The following TTLL7 variants were observed in gnomAD, a reference collection of about 807,000 sequenced individuals.
TTLL7 encodes the protein tubulin tyrosine ligase like 7.
A neutral mutation model predicts 120.2 loss-of-function variants in TTLL7; 53 were observed. The ratio of observed to expected loss-of-function variants is 0.44; its 90% CI spans 0.35 to 0.55. The LOEUF (loss-of-function observed/expected upper bound fraction) is 0.55, where lower values mean the gene tolerates loss of function less well. Ranked by LOEUF, TTLL7 falls within the 20% of genes least tolerant of loss-of-function variation. The pLI is 0.00. For missense variants in TTLL7, 803 were observed against 1,054.7 expected (o/e 0.76, Z 3.31); for synonymous variants, 353 against 351.7 (o/e 1.00, Z -0.04).
intron 1 of TTLL7, among the ~76,000 whole-genome samples, chr1:83,978,517 A>G (rs1651692007): frequency 6.6e-6 from 1 of 152,234 alleles, no homozygotes; most frequent in South Asian, 2.1e-4. Context: ...ATCTTTGTCA[A>G]ACATCATAGT....
At chr1:83,945,934 T>C (rs1487652094) in intron 6 of TTLL7, 1 of 152,108 alleles carries the variant, frequency 6.6e-6, no homozygotes, top group Non-Finnish European at 1.5e-5. Context: ...CATTTGCAAA[T>C]AATGTATGAT....
In TTLL7 at chr1:83,869,393, C is replaced by G. The variant is rs964091441; in HGVS notation, c.*569G>C. On this transcript the variant is annotated 3_prime_UTR_variant, in exon 21 of 21. Transcript: ENST00000260505. Reference sequence around the variant, plus strand: ...AAAAGATTGGAGAATCAGGTTATGACTTTTCTAGCACTTTACAGTGTGCTA... The same window carrying G: ...AAAAGATTGGAGAATCAGGTTATGAGTTTTCTAGCACTTTACAGTGTGCTA... The G allele has an allele frequency of 2.0e-5, 3 of 152,184 alleles. No homozygotes were observed. The highest frequency in any genetic ancestry group is 7.2e-5 in the African/African-American group (3 of 41,432). 9.4% of individuals were successfully genotyped at this position (152,184 alleles called of 1,614,324 possible). A position where few individuals can be genotyped will look rare whatever the true frequency, so the allele number is the denominator to read the frequency against.
chr1:83,967,595 A>G (rs1165300285), intron 1 of TTLL7, among the ~76,000 whole-genome samples: 1 of 152,112 alleles, frequency 6.6e-6, no homozygotes, highest in Non-Finnish European at 1.5e-5. Context: ...AACAATCTGC[A>G]TGGTAACTGC....
intron 8 of TTLL7, among the ~76,000 whole-genome samples, chr1:83,936,266 T>C (rs755953633): frequency 3.9e-5 from 6 of 152,170 alleles, no homozygotes; most frequent in Non-Finnish European, 7.4e-5. Flanking sequence ...TGATTCTCTC[T>C]ATACATGCCT....
chr1:83,995,449 AC>A (rs762652922), intron 1 of TTLL7, among the ~76,000 whole-genome samples: 291 of 150,274 alleles, frequency 1.9e-3, no homozygotes, highest in Non-Finnish European at 3.3e-3. Context: ...GTGTGGCACC[AC>A]CCCCTCACTC....
chr1:83,907,277 C>T (rs915495518), intron 16 of TTLL7, among the ~76,000 whole-genome samples, 179 bp downstream of exon 16: 7 of 150,598 alleles, frequency 4.6e-5, no homozygotes, highest in African/African-American at 1.5e-4. Context: ...GTGAAGTCTG[C>T]ACTTTTTAAG....
chr1:83,980,428 G>A (rs1399805675), intron 1 of TTLL7: 1 of 151,456 alleles, frequency 6.6e-6, no homozygotes, highest in Non-Finnish European at 1.5e-5. Context: ...CCATGGGCCT[G>A]GCTAATTTTT....
At chr1:83,934,672 C>G (rs1300205488) in intron 8 of TTLL7, among the ~76,000 whole-genome samples, 1 of 152,056 alleles carries the variant, frequency 6.6e-6, no homozygotes, top group Non-Finnish European at 1.5e-5. Flanking sequence ...TATTTTTGCT[C>G]AGAAGACACT....
At chr1:83,880,900 T>G (rs1467664140) in intron 20 of TTLL7, among the ~76,000 whole-genome samples, 1 of 151,798 alleles carries the variant, frequency 6.6e-6, no homozygotes. Context: ...GAGATATAGA[T>G]CAATGGAACA....
intron 12 of TTLL7, 97 bp downstream of exon 12, chr1:83,920,989 GA>G (rs1658600186): frequency 2.7e-5 from 35 of 1,316,748 alleles, no homozygotes; most frequent in Non-Finnish European, 3.4e-5. Flanking sequence ...TGGAATGAAA[GA>G]AAAATGCTTA....
intron 8 of TTLL7, among the ~76,000 whole-genome samples, chr1:83,936,791 AC>A (rs1226457617): frequency 6.6e-6 from 1 of 152,222 alleles, no homozygotes; most frequent in African/African-American, 2.4e-5. Flanking sequence ...TAATTTATCA[AC>A]AAATTAGAAG....
At chr1:83,904,804 T>C (rs1031534345) in intron 17 of TTLL7, among the ~76,000 whole-genome samples, 1 of 152,244 alleles carries the variant, frequency 6.6e-6, no homozygotes, top group Non-Finnish European at 1.5e-5. Context: ...ATGAGAATTC[T>C]ACTACTTTGT....
intron 20 of TTLL7, among the ~76,000 whole-genome samples, chr1:83,879,225 T>A (rs1654227063): frequency 6.6e-6 from 1 of 151,968 alleles, no homozygotes; most frequent in African/African-American, 2.4e-5. Flanking sequence ...ATATGGCCAC[T>A]TTTTACATAT....
chr1:83,890,269 T>A, intron 19 of TTLL7, 52 bp downstream of exon 19: 5 of 1,522,292 alleles, frequency 3.3e-6, no homozygotes, highest in Non-Finnish European at 3.5e-6. Flanking sequence ...TCTCTATAAC[T>A]AAATAGTAAA....
intron 16 of TTLL7, 33 bp downstream of exon 16, chr1:83,907,423 T>C: frequency 1.9e-6 from 3 of 1,597,458 alleles, no homozygotes; most frequent in Non-Finnish European, 2.6e-6. Flanking sequence ...CAGAGCTCCC[T>C]GTAATCTTGA....
At chr1:83,996,068 G>A (rs923585395) in intron 1 of TTLL7, among the ~76,000 whole-genome samples, 4 of 152,058 alleles carry the variant, frequency 2.6e-5, no homozygotes, top group African/African-American at 9.7e-5. Flanking sequence ...TGAAAAAAGT[G>A]GAAAGAAACA....
Position 83,911,412 on chromosome 1 carries a change from T to TAAC in TTLL7, c.1588-50_1588-49insGTT, listed in dbSNP as rs770899651. ...TTTTGTTAGAATTCTTAAAAAAGGT[T>TAAC]TATTGATATGATTAGTTACTATTTT... On this transcript the variant is annotated intron_variant, in intron 14 of 20. Coordinates refer to ENST00000260505, the MANE Select transcript of TTLL7 (RefSeq NM_024686.6). 6.2e-6 allele frequency: 9 copies of TAAC among 1,443,548 alleles called. No individual in the cohort carries two copies. The East Asian group carries it at 2.1e-4, about 33-fold the overall frequency. The allele number at this position is 1,443,548 out of a possible 1,614,324, so 89.4% of individuals were successfully genotyped here. A position where few individuals can be genotyped will look rare whatever the true frequency, so the allele number is the denominator to read the frequency against.
At position 83,870,080 on chromosome 1, in the gene TTLL7, T is replaced by C. The variant is rs1653204235; in HGVS notation, c.2546A>G (p.Tyr849Cys). 6.5e-7 allele frequency: 1 copy of C among 1,544,308 alleles called. No individual in the cohort carries two copies. The highest frequency in any genetic ancestry group is 8.7e-7 in the Non-Finnish European group (1 of 1,154,860). ...GAATTGGGTGCTCCCTGGTAGTAAA[T>C]ACCTAAAAATGATGGTTAACAAATT... is the stretch of plus-strand genomic sequence containing the variant. Reference protein sequence around the residue: ...GIGPDWGNSRYLLPGSTQFFL... With the variant: ...GIGPDWGNSRCLLPGSTQFFL... The change falls in exon 21 of 21, where the codon TAT (tyrosine) becomes TGT (cysteine). Residue 849 changes from tyrosine (Y) to cysteine (C), a missense_variant and splice_region_variant. Around this residue, in one of 3 missense-constraint regions of TTLL7, gnomAD observed 388 missense variants for 450.4 expected, o/e 0.86. Coordinates refer to ENST00000260505, the MANE Select transcript of TTLL7 (RefSeq NM_024686.6).
rs574502205 is a variant in TTLL7 at position 83,982,995 on chromosome 1, G to A, written c.-177+15936C>T. Among the ~76,000 whole-genome samples the A allele has an allele frequency of 5.9e-5, 9 of 151,958 alleles. No individual in the cohort carries two copies. In the South Asian group the frequency reaches 6.3e-4, roughly 11 times the overall value. On this transcript the variant is annotated intron_variant, in intron 1 of 20. Coordinates refer to ENST00000260505, the MANE Select transcript of TTLL7 (RefSeq NM_024686.6). ...GAACAGAGAACACAGAAATAAAGCC[G>A]CATAGCGACACCTCTCTGATCTTTG...
Sources: gnomAD v4.1 joint callset for allele counts (sites outside exome capture counted in the v4.1 genomes callset) on GRCh38, gnomAD v4.1.1 for gene constraint, gnomAD v4.1.1 regional missense constraint, MANE v1.5 for transcripts, NCBI Gene and HGNC (gene_info 2026-07-23, HGNC 2026-07-21) for gene names.